STIM1: variants seen among roughly 807,000 people sequenced by gnomAD.
STIM1 encodes stromal interaction molecule 1.
In STIM1, 25 loss-of-function variants were observed where a neutral mutation model predicts 74.7. That is an observed-to-expected ratio of 0.33 (90% CI 0.24 to 0.47). The LOEUF is 0.47. STIM1 is among the 20% of genes least tolerant of loss of function. The pLI is 1.00. For synonymous variants in STIM1, 328 were observed against 348.8 expected, an observed-to-expected ratio of 0.94 and a Z score of 0.66; for missense variants, 728 against 920.8, an observed-to-expected ratio of 0.79 and a Z score of 2.71.
chr11:3,930,833 C>A (rs2092850742), intron 1 of STIM1, among the ~76,000 whole-genome samples: 1 of 152,204 alleles, frequency 6.6e-6, no homozygotes, highest in Admixed American at 6.5e-5. Context: ...TAGGGCCGAG[C>A]AGACAGTTTT....
chr11:4,070,807 T>C (rs1364151106), intron 6 of STIM1, among the ~76,000 whole-genome samples: 1 of 152,206 alleles, frequency 6.6e-6, no homozygotes, highest in African/African-American at 2.4e-5. Context: ...ACTTCAAAAC[T>C]ATGGCAGAAG....
chr11:4,024,049 A>T, intron 3 of STIM1, 62 bp downstream of exon 3: 3 of 1,410,952 alleles, frequency 2.1e-6, no homozygotes, highest in Non-Finnish European at 3.0e-6. Flanking sequence ...GAGAAGCAGC[A>T]ACTTGGCCTT....
chr11:3,989,419 T>C, intron 2 of STIM1: 1 of 736,020 alleles, frequency 1.4e-6, no homozygotes, highest in Non-Finnish European at 2.6e-6. Context: ...CTTGGGCTCT[T>C]CCTTGGCGGC....
chr11:3,860,581 G>C lies in STIM1; in HGVS notation c.139+4172G>C, dbSNP rs951672640. ...TGGGAGAGCTGGGGGAGGCCTTACA[G>C]TTTCTTTGTAATTTTTCTCAGATCT... is the stretch of plus-strand genomic sequence containing the variant. On this transcript the variant is annotated intron_variant, in intron 1 of 12. Transcript: ENST00000526596. Among the ~76,000 whole-genome samples, 4 of 152,208 alleles carry C rather than the reference G, an allele frequency of 2.6e-5. No homozygotes were observed. The South Asian group carries it at 6.2e-4, about 24-fold the overall frequency.
rs373491105 is a variant in STIM1, at chr11:4,057,824, C to T, written c.498-1457C>T. On this transcript the variant is annotated intron_variant, in intron 4 of 12. Transcript: ENST00000526596. ...GGTGGAGCTTGCAGTGAGCTGAGAT[C>T]GCGCCACTGCACTCCAGCCTAAGCG... 1.1e-4 allele frequency among the ~76,000 whole-genome samples: 16 copies of T among 150,292 alleles called. No individual in the cohort carries two copies. The South Asian group carries it at 2.1e-3, about 20-fold the overall frequency.
chr11:4,038,039 T>C (rs1413256876), intron 3 of STIM1, among the ~76,000 whole-genome samples: 1 of 139,822 alleles, frequency 7.2e-6, no homozygotes, highest in African/African-American at 2.6e-5. Flanking sequence ...CATCACAGTC[T>C]TTTTTTTTTT....
chr11:3,957,827 A>C (rs562255097), intron 1 of STIM1, among the ~76,000 whole-genome samples: 2 of 152,160 alleles, frequency 1.3e-5, no homozygotes, highest in East Asian at 3.9e-4. Context: ...TGGCCCCCAA[A>C]GTGCTGAAAT....
intron 1 of STIM1, among the ~76,000 whole-genome samples, chr11:3,879,961 T>C (rs538621518): frequency 3.3e-5 from 5 of 152,300 alleles, no homozygotes; most frequent in Admixed American, 6.5e-5. Flanking sequence ...AGGATTAATG[T>C]TGAACTAAGA....
intron 1 of STIM1, among the ~76,000 whole-genome samples, chr11:3,948,704 G>A (rs1028068076): frequency 1.3e-5 from 2 of 152,076 alleles, no homozygotes; most frequent in Admixed American, 6.5e-5. Flanking sequence ...TTCTAAATAC[G>A]TCTATCTTAT....
In STIM1 at chr11:3,857,101, TTTTTTTG is replaced by T. The variant is rs1340119534; in HGVS notation, c.139+699_139+705del. On this transcript the variant is annotated intron_variant, in intron 1 of 12. Transcript: ENST00000526596. The stretch of plus-strand genomic sequence containing the variant: ...GTGGGAATTCCATGCTACAGGTTTT[TTTTTTTG>T]TTTTTTTTTTTTTTTCCCTGAGTCT... Among the ~76,000 whole-genome samples the T allele has an allele frequency of 7.9e-3, 936 of 118,356 alleles. 21 individuals are homozygous for T. The highest frequency in any genetic ancestry group is 0.026 in the African/African-American group (883 of 33,390). The allele number at this position is 118,356 out of a possible 152,430, so 77.6% of individuals were successfully genotyped here.
At chr11:3,995,767 C>T (rs1450090270) in intron 2 of STIM1, among the ~76,000 whole-genome samples, 1 of 151,754 alleles carries the variant, frequency 6.6e-6, no homozygotes, top group East Asian at 1.9e-4. Context: ...ACCTCAGCCT[C>T]CTGAGTAATT....
intron 1 of STIM1, among the ~76,000 whole-genome samples, chr11:3,956,871 C>T (rs910948496): frequency 2.0e-4 from 28 of 142,152 alleles, no homozygotes; most frequent in African/African-American, 6.0e-4. Context: ...GAGAAACCTA[C>T]CTTGCAAATT....
At position 4,041,666 on chromosome 11, in the gene STIM1, T is replaced by G. The variant is rs571669590; in HGVS notation, c.386-13860T>G. Reference sequence around the variant, plus strand: ...CACTCAGGGTGGAGTGGTGCAATCTTGGCTCACTCTAGCCTCAACTCCAGG... The same window carrying G: ...CACTCAGGGTGGAGTGGTGCAATCTGGGCTCACTCTAGCCTCAACTCCAGG... On this transcript the variant is annotated intron_variant, in intron 3 of 12. Transcript: ENST00000526596. Among the ~76,000 whole-genome samples, 3 of 152,228 alleles carry G rather than the reference T, an allele frequency of 2.0e-5. No individual in the cohort carries two copies. In the East Asian group the frequency reaches 5.8e-4, roughly 29 times the overall value.
At chr11:3,910,966 A>G (rs532327211) in intron 1 of STIM1, among the ~76,000 whole-genome samples, 168 of 152,262 alleles carry the variant, frequency 1.1e-3, no homozygotes, top group African/African-American at 3.9e-3. Context: ...AGCCTGGGCA[A>G]CAGAGCGAGA....
chr11:3,985,935 C>T (rs1310073147), intron 2 of STIM1, among the ~76,000 whole-genome samples: 2 of 152,140 alleles, frequency 1.3e-5, no homozygotes, highest in Non-Finnish European at 2.9e-5. Context: ...AGTGAGTTTC[C>T]TTTCATTTCC....
At chr11:3,887,901 C>T (rs559190721) in intron 1 of STIM1, among the ~76,000 whole-genome samples, 180 of 148,076 alleles carry the variant, frequency 1.2e-3, no homozygotes, top group African/African-American at 4.1e-3. Flanking sequence ...CCGGGAGGCA[C>T]GGAGGTTGCA....
At chr11:4,084,964 A>G (rs1419796679) in intron 11 of STIM1, among the ~76,000 whole-genome samples, 199 bp downstream of exon 11, 1 of 152,112 alleles carries the variant, frequency 6.6e-6, no homozygotes, top group East Asian at 1.9e-4. Flanking sequence ...TGGACAGAGA[A>G]CACCCATGGT....
At chr11:4,003,193 A>G (rs1160278936) in intron 2 of STIM1, among the ~76,000 whole-genome samples, 1 of 145,792 alleles carries the variant, frequency 6.9e-6, no homozygotes, top group Non-Finnish European at 1.5e-5. Flanking sequence ...TTCTGAAACT[A>G]TTCCAATCAA....
chr11:3,868,557 A>G (rs1380480919), intron 1 of STIM1, among the ~76,000 whole-genome samples: 1 of 152,230 alleles, frequency 6.6e-6, no homozygotes, highest in African/African-American at 2.4e-5. Context: ...GGAGATAGGC[A>G]TTTTGATTAA....
Sources: allele counts gnomAD v4.1 joint callset (sites outside exome capture counted in the v4.1 genomes callset), GRCh38; gene constraint gnomAD v4.1.1; transcripts MANE v1.5; gene names NCBI Gene and HGNC (gene_info 2026-07-23, HGNC 2026-07-21).